The following GIN1 variants were observed in gnomAD, a reference collection of about 807,000 sequenced individuals.
The protein encoded by GIN1 is gypsy retrotransposon integrase-like protein 1.
Under a neutral mutation model 51.4 loss-of-function variants are expected in GIN1, and 41 were observed. The ratio of observed to expected loss-of-function variants is 0.80; its 90% CI spans 0.62 to 1.04. GIN1 has a LOEUF of 1.04. Ranked by LOEUF, GIN1 falls within the 50% of genes least tolerant of loss-of-function variation. GIN1 has a pLI of 0.00. For missense variants in GIN1, 610 were observed against 612.4 expected, an observed-to-expected ratio of 1.00 and a Z score of 0.04; for synonymous variants, 222 against 206.5, an observed-to-expected ratio of 1.07 and a Z score of -0.64.
At chr5:103,100,112 A>T (rs1030997379) in intron 4 of GIN1, among the ~76,000 whole-genome samples, 86 of 144,990 alleles carry the variant, frequency 5.9e-4, no homozygotes, top group African/African-American at 1.7e-3. Flanking sequence ...TTTATTTTTT[A>T]TTTTTTTTTT....
intron 4 of GIN1, among the ~76,000 whole-genome samples, chr5:103,100,566 T>A (rs10078752): frequency 0.039 from 5,671 of 146,230 alleles, 225 homozygotes; most frequent in African/African-American, 0.094. Context: ...TAATTAAAAA[T>A]TTTTTTTTTT....
intron 2 of GIN1, among the ~76,000 whole-genome samples, chr5:103,107,369 C>T (rs987639249): frequency 3.3e-5 from 5 of 150,524 alleles, no homozygotes; most frequent in African/African-American, 1.2e-4. Context: ...CTCTCAGCTT[C>T]TTCTATATTT....
chr5:103,095,062 G>A (rs956657225), intron 7 of GIN1, among the ~76,000 whole-genome samples: 1 of 152,184 alleles, frequency 6.6e-6, no homozygotes, highest in Non-Finnish European at 1.5e-5. Flanking sequence ...AAAAGGCATA[G>A]GGTAAGTGTA....
At chr5:103,115,613 T>C (rs556121164) in intron 1 of GIN1, among the ~76,000 whole-genome samples, 1 of 152,276 alleles carries the variant, frequency 6.6e-6, no homozygotes, top group Non-Finnish European at 1.5e-5. Flanking sequence ...GTGGTAATAG[T>C]TGTAAAACAA....
At chr5:103,117,269 T>A (rs1280566689) in intron 1 of GIN1, among the ~76,000 whole-genome samples, 1 of 152,188 alleles carries the variant, frequency 6.6e-6, no homozygotes, top group East Asian at 1.9e-4. Flanking sequence ...TTATGCTAAG[T>A]GAAATAAGCC....
In GIN1 at chr5:103,092,224, T is replaced by C. The variant is rs576664498; in HGVS notation, c.1295-4052A>G. On this transcript the variant is annotated intron_variant, in intron 7 of 7. Transcript: ENST00000399004. ...GGTTTCACTATGTTGCCCATGCTGGTCTCGAACTCCTGAGCTCAGGCAATC... is the reference window on the plus strand; with the variant it reads ...GGTTTCACTATGTTGCCCATGCTGGCCTCGAACTCCTGAGCTCAGGCAATC... Among the ~76,000 whole-genome samples, 147 of 152,122 alleles carry C rather than the reference T, an allele frequency of 9.7e-4. 1 individual carries two copies. The highest frequency in any genetic ancestry group is 3.5e-3 in the African/African-American group (145 of 41,510).
chr5:103,098,925 T>C (rs1476427625), intron 4 of GIN1, among the ~76,000 whole-genome samples: 2 of 152,214 alleles, frequency 1.3e-5, no homozygotes, highest in Admixed American at 6.5e-5. Context: ...GCACTTAAAA[T>C]GAGTTTACAA....
intron 4 of GIN1, among the ~76,000 whole-genome samples, chr5:103,101,096 T>A (rs1419105275): frequency 6.6e-6 from 1 of 152,280 alleles, no homozygotes; most frequent in African/African-American, 2.4e-5. Flanking sequence ...GGTTAACAAC[T>A]AAAAATAAAA....
chr5:103,108,910 T>C (rs1787801394), intron 1 of GIN1, among the ~76,000 whole-genome samples, 196 bp from the exon 2 acceptor site: 2 of 152,020 alleles, frequency 1.3e-5, no homozygotes, highest in South Asian at 2.1e-4. Context: ...ATTTTTGATA[T>C]ACCCCATGAC....
chr5:103,098,265 C>T (rs577453756), intron 4 of GIN1, among the ~76,000 whole-genome samples: 24 of 152,076 alleles, frequency 1.6e-4, no homozygotes, highest in African/African-American at 5.5e-4. Flanking sequence ...ATAGTGATTG[C>T]CATTTATTGA....
In GIN1 at chr5:103,097,798, A is replaced by G. The variant is rs781851449; in HGVS notation, c.640-17T>C. 7 of 1,116,740 alleles carry G rather than the reference A, an allele frequency of 6.3e-6. No homozygotes were observed. Among genetic ancestry groups the G allele is most frequent in the Non-Finnish European group, 1.3e-6 (1 of 770,928 alleles). 69.2% of individuals were successfully genotyped at this position (1,116,740 alleles called of 1,614,324 possible). A position where few individuals can be genotyped will look rare whatever the true frequency, so the allele number is the denominator to read the frequency against. On this transcript the variant is annotated splice_polypyrimidine_tract_variant and intron_variant, in intron 4 of 7. Transcript: ENST00000399004. ...AATATTGATCTGAAAAATATATAAA[A>G]CAAAGGTGGCTTTTTAAAATTTGTG...
At chr5:103,107,220 C>A (rs895767778) in intron 2 of GIN1, among the ~76,000 whole-genome samples, 4 of 151,960 alleles carry the variant, frequency 2.6e-5, no homozygotes, top group Non-Finnish European at 4.4e-5. Context: ...TGGGAGTACT[C>A]AAAGTAGGAA....
At chr5:103,108,385 C>T (rs34831) in intron 2 of GIN1, among the ~76,000 whole-genome samples, 184 bp downstream of exon 2, 38,850 of 151,848 alleles carry the variant, frequency 0.26, 5,534 homozygotes, top group East Asian at 0.45. Flanking sequence ...ACCCTTTTCA[C>T]GCTTATTGGC....
chr5:103,111,423 C>T (rs39666), intron 1 of GIN1, among the ~76,000 whole-genome samples: 38,814 of 151,894 alleles, frequency 0.26, 5,524 homozygotes, highest in East Asian at 0.45. Context: ...CTAAGCAATC[C>T]AAAGGAAAAT....
At chr5:103,098,561 C>T (rs34815) in intron 4 of GIN1, among the ~76,000 whole-genome samples, 37,021 of 151,910 alleles carry the variant, frequency 0.24, 5,149 homozygotes, top group East Asian at 0.45. Flanking sequence ...TGGGTTCAAG[C>T]GATCCTCTCA....
chr5:103,098,493 G>A (rs929542556), intron 4 of GIN1, among the ~76,000 whole-genome samples: 1 of 152,016 alleles, frequency 6.6e-6, no homozygotes, highest in African/African-American at 2.4e-5. Flanking sequence ...TTTGGTGGGG[G>A]GCGGTGGGAG....
At chr5:103,112,964 A>C (rs1021522584) in intron 1 of GIN1, among the ~76,000 whole-genome samples, 2 of 152,184 alleles carry the variant, frequency 1.3e-5, no homozygotes, top group Non-Finnish European at 2.9e-5. Context: ...GTGGTGTTTT[A>C]ACAGATGTAT....
intron 4 of GIN1, among the ~76,000 whole-genome samples, chr5:103,101,252 G>A (rs1787566076): frequency 6.6e-6 from 1 of 152,216 alleles, no homozygotes; most frequent in African/African-American, 2.4e-5. Context: ...ATGATGGGGA[G>A]AGAGTAGCAT....
chr5:103,089,376 G>A (rs1252461513), intron 7 of GIN1, among the ~76,000 whole-genome samples: 3 of 151,990 alleles, frequency 2.0e-5, no homozygotes, highest in African/African-American at 7.2e-5. Flanking sequence ...CTTTCTAAAT[G>A]TTCCCCCAAA....
Sources: gnomAD v4.1 joint callset for allele counts (sites outside exome capture counted in the v4.1 genomes callset) on GRCh38, gnomAD v4.1.1 for gene constraint, MANE v1.5 for transcripts, NCBI Gene and HGNC (gene_info 2026-07-23, HGNC 2026-07-21) for gene names.